Variants in KIAA0930 observed in about 807,000 individuals in gnomAD.
KIAA0930 encodes the protein KIAA0930.
Under a neutral mutation model 43.9 loss-of-function variants are expected in KIAA0930, and 24 were observed. That is an observed-to-expected ratio of 0.55 (90% CI 0.40 to 0.77). The LOEUF (loss-of-function observed/expected upper bound fraction) is 0.77, where lower values mean the gene tolerates loss of function less well. Among genes scored for constraint, KIAA0930 ranks in the 30% least tolerant of loss-of-function variants. The probability of loss-of-function intolerance (pLI) is 0.00; values close to 1 mark genes in which losing one functional copy is unlikely to be tolerated. For synonymous variants in KIAA0930, 259 were observed against 216.4 expected (o/e 1.20, Z -1.73); for missense variants, 461 against 574.2 (o/e 0.80, Z 2.02).
chr22:45,238,589 C>T (rs1268672859), intron 1 of KIAA0930, among the ~76,000 whole-genome samples: 1 of 152,176 alleles, frequency 6.6e-6, no homozygotes, highest in Non-Finnish European at 1.5e-5. Context: ...CTTAGAGATG[C>T]TTGTGGGGCA....
Position 45,197,078 on chromosome 22 carries a change from C to T in KIAA0930, c.*98G>A, listed in dbSNP as rs1024978562. 4.3e-5 allele frequency: 45 copies of T among 1,040,782 alleles called. 1 individual carries two copies. The highest frequency in any genetic ancestry group is 1.0e-4 in the African/African-American group (6 of 59,810). 64.5% of individuals were successfully genotyped at this position (1,040,782 alleles called of 1,614,324 possible). A position where few individuals can be genotyped will look rare whatever the true frequency, so the allele number is the denominator to read the frequency against. On this transcript the variant is annotated 3_prime_UTR_variant, in exon 10 of 10. Coordinates refer to ENST00000336156, the MANE Select transcript of KIAA0930 (RefSeq NM_001009880.2). ...CGCCTGGCTGCGGCTCCAGCACTGGCGTGCCATCGCAGACCCCGGTGGCGG... is the reference window on the plus strand; with the variant it reads ...CGCCTGGCTGCGGCTCCAGCACTGGTGTGCCATCGCAGACCCCGGTGGCGG...
chr22:45,212,599 C>A, intron 1 of KIAA0930: 1 of 1,361,482 alleles, frequency 7.3e-7, no homozygotes, highest in Non-Finnish European at 9.5e-7. Context: ...TCCAGCCAGC[C>A]AAGGCTGCAA....
At chr22:45,216,559 C>A (rs1327942951) in intron 1 of KIAA0930, among the ~76,000 whole-genome samples, 1 of 152,170 alleles carries the variant, frequency 6.6e-6, no homozygotes, top group African/African-American at 2.4e-5. Context: ...ACACACGAGG[C>A]ACAGCTGGCC....
In KIAA0930 at chr22:45,228,694, AC is replaced by A. The variant is rs113093477; in HGVS notation, c.64+11945del. ...CTCTTCACCGGAAAGATCCCTCTCC[AC>A]CCCCCCAACCACCAAACACTCACCC... On this transcript the variant is annotated intron_variant, in intron 1 of 9. Transcript: ENST00000336156. Among the ~76,000 whole-genome samples the A allele has an allele frequency of 3.9e-3, 427 of 108,642 alleles. 2 individuals are homozygous for A. Among genetic ancestry groups the A allele is most frequent in the East Asian group, 0.01 (36 of 3,576 alleles). 71.3% of individuals were successfully genotyped at this position (108,642 alleles called of 152,430 possible).
At position 45,193,732 on chromosome 22, in the gene KIAA0930, T is replaced by C. The variant is rs1041014273; in HGVS notation, c.*3444A>G. ...GACTACCTGTCACTCATGTTTTAAA[T>C]AATCTTCTTTTGAAATAATAAGCCT... is the stretch of plus-strand genomic sequence containing the variant. On this transcript the variant is annotated 3_prime_UTR_variant, in exon 10 of 10. Coordinates refer to ENST00000336156, the MANE Select transcript of KIAA0930 (RefSeq NM_001009880.2). 5.9e-5 allele frequency: 9 copies of C among 152,220 alleles called. No individual in the cohort carries two copies. The highest frequency in any genetic ancestry group is 2.2e-4 in the African/African-American group (9 of 41,454). The allele number at this position is 152,220 out of a possible 1,614,324, so 9.4% of individuals were successfully genotyped here.
chr22:45,226,201 G>C (rs1234817064), intron 1 of KIAA0930: 1 of 469,380 alleles, frequency 2.1e-6, no homozygotes, highest in African/African-American at 2.0e-5. Flanking sequence ...TCTTAGACTT[G>C]CACAACGCTG....
Position 45,238,056 on chromosome 22 carries a change from G to A in KIAA0930, c.64+2584C>T, listed in dbSNP as rs113310701. On this transcript the variant is annotated intron_variant, in intron 1 of 9. Coordinates refer to ENST00000336156, the MANE Select transcript of KIAA0930 (RefSeq NM_001009880.2). Reference sequence around the variant, plus strand: ...TTGTCTCAGCCTCCTGAGTAGCTGCGACTATAGGCGCCCGCCACCACGCCT... The same window carrying A: ...TTGTCTCAGCCTCCTGAGTAGCTGCAACTATAGGCGCCCGCCACCACGCCT... 5.7e-3 allele frequency among the ~76,000 whole-genome samples: 858 copies of A among 151,846 alleles called. 4 individuals carry two copies. The highest frequency in any genetic ancestry group is 0.019 in the African/African-American group (803 of 41,404).
chr22:45,199,865 G>T lies in KIAA0930; in HGVS notation c.1015+8C>A. ...ACGGGGACCCTAGGGCACGGAGTGG[G>T]GGGTCACCTCCACCGTCGTCCTCCC... On this transcript the variant is annotated splice_region_variant and intron_variant, in intron 8 of 9. Coordinates refer to ENST00000336156, the MANE Select transcript of KIAA0930 (RefSeq NM_001009880.2). 6.4e-7 allele frequency: 1 copy of T among 1,561,560 alleles called. No individual in the cohort carries two copies. The highest frequency in any genetic ancestry group is 8.7e-7 in the Non-Finnish European group (1 of 1,147,854).
chr22:45,224,192 A>G (rs78652895), intron 1 of KIAA0930, among the ~76,000 whole-genome samples: 3,085 of 152,320 alleles, frequency 0.02, 104 homozygotes, highest in African/African-American at 0.07. Flanking sequence ...CTGAATACTT[A>G]AATGAAGGAA....
chr22:45,237,454 G>A (rs977883393), intron 1 of KIAA0930, among the ~76,000 whole-genome samples: 1 of 152,194 alleles, frequency 6.6e-6, no homozygotes. Flanking sequence ...AAATCTACAA[G>A]GTGCCTTTCA....
In KIAA0930 at chr22:45,194,646, T is replaced by C. The variant is rs1442300147; in HGVS notation, c.*2530A>G. The C allele has an allele frequency of 6.6e-6, 1 of 152,214 alleles. No individual in the cohort carries two copies. 9.4% of individuals were successfully genotyped at this position (152,214 alleles called of 1,614,324 possible). A position where few individuals can be genotyped will look rare whatever the true frequency, so the allele number is the denominator to read the frequency against. Reference sequence around the variant, plus strand: ...CTCTATTACTTTATTCCACATGTCATCTGTTACTTTGGAAAAACAAACCTG... The same window carrying C: ...CTCTATTACTTTATTCCACATGTCACCTGTTACTTTGGAAAAACAAACCTG... On this transcript the variant is annotated 3_prime_UTR_variant, in exon 10 of 10. Transcript: ENST00000336156.
Position 45,199,881 on chromosome 22 carries a change from T to C in KIAA0930, c.1007A>G (p.Asp336Gly), listed in dbSNP as rs1177308307. 11 of 1,580,406 alleles carry C rather than the reference T, an allele frequency of 7.0e-6. No homozygotes were observed. Among genetic ancestry groups the C allele is most frequent in the Non-Finnish European group, 9.5e-6 (11 of 1,157,888 alleles). ...ACGGAGTGGGGGGTCACCTCCACCG[T>C]CGTCCTCCCGGAAGAACTCCTCGCT... is the stretch of plus-strand genomic sequence containing the variant. ...NDSEEFFRED[D>G]GGADLHNATN... The change falls in exon 8 of 10, where the codon GAC becomes GGC. Residue 336 changes from aspartate (D) to glycine (G), a missense_variant. Coordinates refer to ENST00000336156, the MANE Select transcript of KIAA0930 (RefSeq NM_001009880.2).
At chr22:45,238,662 C>T (rs1212403183) in intron 1 of KIAA0930, among the ~76,000 whole-genome samples, 5 of 152,192 alleles carry the variant, frequency 3.3e-5, no homozygotes, top group Non-Finnish European at 7.3e-5. Context: ...CAGAGCCCTG[C>T]AGGGACTGAG....
At chr22:45,225,619 A>G (rs2083794433) in intron 1 of KIAA0930, among the ~76,000 whole-genome samples, 1 of 152,106 alleles carries the variant, frequency 6.6e-6, no homozygotes, top group South Asian at 2.1e-4. Flanking sequence ...CACAGGGCAC[A>G]GGGCACAAGC....
At chr22:45,234,712 AG>A (rs2083876117) in intron 1 of KIAA0930, among the ~76,000 whole-genome samples, 3 of 152,254 alleles carry the variant, frequency 2.0e-5, no homozygotes, top group Admixed American at 6.5e-5. Context: ...ACTGGATCCC[AG>A]CTATGTTTCC....
At chr22:45,204,727 T>G (rs2083620714) in intron 5 of KIAA0930, among the ~76,000 whole-genome samples, 2 of 151,684 alleles carry the variant, frequency 1.3e-5, no homozygotes, top group South Asian at 4.2e-4. Flanking sequence ...CAGTGCCCTG[T>G]GTTTCTCGGT....
intron 1 of KIAA0930, among the ~76,000 whole-genome samples, chr22:45,223,361 G>T (rs112117829): frequency 6.6e-6 from 1 of 152,240 alleles, no homozygotes; most frequent in African/African-American, 2.4e-5. Context: ...TGGAGCCTGC[G>T]GAAGAGAAGG....
chr22:45,231,836 C>G (rs775351250), intron 1 of KIAA0930, among the ~76,000 whole-genome samples: 1 of 152,030 alleles, frequency 6.6e-6, no homozygotes, highest in Non-Finnish European at 1.5e-5. Context: ...ACTAAAAATA[C>G]GAAAAATTAG....
chr22:45,231,723 G>A (rs550532088), intron 1 of KIAA0930, among the ~76,000 whole-genome samples: 4 of 152,300 alleles, frequency 2.6e-5, no homozygotes, highest in South Asian at 2.1e-4. Flanking sequence ...CACACCAGGC[G>A]CAGTGGCTTA....
Sources: allele counts gnomAD v4.1 joint callset (sites outside exome capture counted in the v4.1 genomes callset), GRCh38; gene constraint gnomAD v4.1.1; transcripts MANE v1.5; gene names NCBI Gene and HGNC (gene_info 2026-07-23, HGNC 2026-07-21).